The following SCN11A variants were observed in gnomAD, a reference collection of about 807,000 sequenced individuals.
SCN11A encodes the protein sodium channel protein type 11 subunit alpha.
SCN11A carries 122 observed loss-of-function variants against 162.2 expected under a neutral mutation model. The observed-to-expected ratio is 0.75, with a 90% CI of 0.65 to 0.87. The LOEUF (loss-of-function observed/expected upper bound fraction) is 0.87. Ranked by LOEUF, SCN11A falls within the 40% of genes least tolerant of loss-of-function variation. The probability of loss-of-function intolerance (pLI) is 0.00; values close to 1 mark genes in which losing one functional copy is unlikely to be tolerated. For missense variants in SCN11A, 2,015 were observed against 2,181.6 expected (o/e 0.92, Z 1.52); for synonymous variants, 758 against 751.5 (o/e 1.01, Z -0.14).
intron 7 of SCN11A, among the ~76,000 whole-genome samples, chr3:38,942,158 AATC>A (rs2066451934): frequency 6.6e-6 from 1 of 152,174 alleles, no homozygotes; most frequent in Non-Finnish European, 1.5e-5. Flanking sequence ...GGATAATAAT[AATC>A]ATCGTAAATA....
At chr3:39,035,157 G>C (rs556712809) in intron 1 of SCN11A, among the ~76,000 whole-genome samples, 66 of 152,062 alleles carry the variant, frequency 4.3e-4, no homozygotes, top group Non-Finnish European at 7.9e-4. Flanking sequence ...TAAGCAGAAA[G>C]AACAAAACTG....
chr3:38,951,954 G>C (rs1040571772), intron 4 of SCN11A, among the ~76,000 whole-genome samples: 16 of 152,050 alleles, frequency 1.1e-4, no homozygotes, highest in African/African-American at 3.9e-4. Context: ...CAACCCGCTG[G>C]GGTCCCCTTC....
In SCN11A at chr3:38,925,405, A is replaced by C. The variant is rs1442183106; in HGVS notation, c.712+10T>G. 1.3e-6 allele frequency: 2 copies of C among 1,575,314 alleles called. No individual in the cohort carries two copies. Among genetic ancestry groups the C allele is most frequent in the East Asian group, 4.5e-5 (2 of 44,634 alleles). On this transcript the variant is annotated intron_variant, in intron 9 of 29. Coordinates refer to ENST00000302328, the MANE Select transcript of SCN11A (RefSeq NM_001349253.2). ...GATAGGAGCCAGTGTGGAAAGTGAG[A>C]GTGACTTACGTGAAACTACTGAAAT...
intron 9 of SCN11A, among the ~76,000 whole-genome samples, chr3:38,923,408 T>A (rs4585134): frequency 2.6e-5 from 4 of 151,980 alleles, no homozygotes; most frequent in South Asian, 4.2e-4. Flanking sequence ...AATTTCCTGC[T>A]GAATCCTTTC....
Position 38,861,363 on chromosome 3 carries a change from G to A in SCN11A, c.4056+1832C>T, listed in dbSNP as rs80327044. On this transcript the variant is annotated intron_variant, in intron 28 of 29. Coordinates refer to ENST00000302328, the MANE Select transcript of SCN11A (RefSeq NM_001349253.2). ...GTGCAATTCCCAACAAAATACCACCGTCATCCTTCACAGGACTAGAAAAAA... is the reference window on the plus strand; with the variant it reads ...GTGCAATTCCCAACAAAATACCACCATCATCCTTCACAGGACTAGAAAAAA... 4.2e-3 allele frequency among the ~76,000 whole-genome samples: 632 copies of A among 151,900 alleles called. 34 individuals carry two copies. In the East Asian group the frequency reaches 0.11, roughly 27 times the overall value.
chr3:38,987,067 T>C (rs2125592660), intron 2 of SCN11A, among the ~76,000 whole-genome samples: 1 of 152,044 alleles, frequency 6.6e-6, no homozygotes, highest in Admixed American at 6.5e-5. Flanking sequence ...AAGTGTTTAA[T>C]GTGAAACCAC....
At position 38,925,463 on chromosome 3, in the gene SCN11A, G is replaced by T. The variant is rs775199760; in HGVS notation, c.664C>A (p.Arg222Ser). ...AAAGCTCTGAACACACGGAAGGTAC[G>T]CAGGGGCAATAGTTTGATGGTGATT... ...PGITIKLLPL[R>S]TFRVFRALKA... Residue 222 changes from arginine (R) to serine (S), a missense_variant, in exon 9 of 30, where the codon CGT (arginine) becomes AGT (serine). Transcript: ENST00000302328. 6.2e-7 allele frequency: 1 copy of T among 1,613,728 alleles called. No homozygotes were observed. The highest frequency in any genetic ancestry group is 8.5e-7 in the Non-Finnish European group (1 of 1,179,630).
chr3:38,861,609 C>T (rs2064965421), intron 28 of SCN11A, among the ~76,000 whole-genome samples: 1 of 152,074 alleles, frequency 6.6e-6, no homozygotes, highest in Non-Finnish European at 1.5e-5. Context: ...GCCAATTGAT[C>T]TTTGGCAAAG....
intron 28 of SCN11A, among the ~76,000 whole-genome samples, chr3:38,861,676 T>C (rs1237123955): frequency 1.3e-5 from 2 of 152,088 alleles, no homozygotes; most frequent in Non-Finnish European, 2.9e-5. Flanking sequence ...GTTGGGATAA[T>C]TGGCAATTTG....
chr3:38,875,733 A>G (rs950119305), intron 23 of SCN11A, among the ~76,000 whole-genome samples: 3 of 152,202 alleles, frequency 2.0e-5, no homozygotes, highest in Admixed American at 6.6e-5. Context: ...ATGAAAACAC[A>G]TCTCATGTTC....
chr3:39,051,324 G>A (rs192205420), intron 1 of SCN11A, among the ~76,000 whole-genome samples: 15 of 152,012 alleles, frequency 9.9e-5, no homozygotes, highest in African/African-American at 3.6e-4. Flanking sequence ...CCCCTCTTTT[G>A]TGTCCATGTG....
chr3:38,981,219 G>T (rs76091624), intron 2 of SCN11A, among the ~76,000 whole-genome samples: 4,174 of 152,180 alleles, frequency 0.027, 208 homozygotes, highest in African/African-American at 0.095. Flanking sequence ...ACCCTAATCT[G>T]ATCAACCACA....
At chr3:39,015,134 G>C (rs995326917) in intron 2 of SCN11A, among the ~76,000 whole-genome samples, 5 of 152,234 alleles carry the variant, frequency 3.3e-5, no homozygotes, top group Non-Finnish European at 4.4e-5. Context: ...GAGCCATTAA[G>C]ATCAGGGCAC....
At chr3:38,988,030 GGCGCCCGGTGCA>G (rs139102742) in intron 2 of SCN11A, among the ~76,000 whole-genome samples, 5,338 of 152,242 alleles carry the variant, frequency 0.035, 245 homozygotes, top group African/African-American at 0.11. Flanking sequence ...CATAATTTGT[GGCGCCCGGTGCA>G]AATGGGAATT....
intron 2 of SCN11A, among the ~76,000 whole-genome samples, chr3:39,027,412 T>C (rs2031616224): frequency 1.3e-5 from 2 of 152,176 alleles, no homozygotes; most frequent in African/African-American, 2.4e-5. Flanking sequence ...TTTTCAAAAA[T>C]CCCTGCTTGT....
chr3:38,982,458 C>T (rs534769270), intron 2 of SCN11A, among the ~76,000 whole-genome samples: 15 of 152,142 alleles, frequency 9.9e-5, no homozygotes, highest in Admixed American at 2.0e-4. Flanking sequence ...AGTGGGTGAG[C>T]CCCTGACTTA....
At chr3:39,018,329 GT>G (rs1215291802) in intron 2 of SCN11A, among the ~76,000 whole-genome samples, 13 of 152,220 alleles carry the variant, frequency 8.5e-5, no homozygotes, top group African/African-American at 2.9e-4. Context: ...TTGGTTGTCT[GT>G]CCTGAAAACT....
intron 28 of SCN11A, among the ~76,000 whole-genome samples, chr3:38,862,067 T>G (rs1421110626): frequency 6.6e-6 from 1 of 151,734 alleles, no homozygotes; most frequent in Admixed American, 6.6e-5. Flanking sequence ...TATCCAAAAG[T>G]AGGCAAAAGA....
At chr3:38,920,523 T>C (rs2066031685) in intron 10 of SCN11A, among the ~76,000 whole-genome samples, 1 of 152,116 alleles carries the variant, frequency 6.6e-6, no homozygotes, top group Admixed American at 6.5e-5. Flanking sequence ...AAACCTCGTC[T>C]CTACTAAAAA....
Sources: gnomAD v4.1 joint callset for allele counts (sites outside exome capture counted in the v4.1 genomes callset) on GRCh38, gnomAD v4.1.1 for gene constraint, MANE v1.5 for transcripts, NCBI Gene and HGNC (gene_info 2026-07-23, HGNC 2026-07-21) for gene names.